AGBL4: variants seen among roughly 807,000 people sequenced by gnomAD.
AGBL4 encodes the protein cytosolic carboxypeptidase 6.
AGBL4 carries 58 observed loss-of-function variants against 66.4 expected under a neutral mutation model. That is an observed-to-expected ratio of 0.87 (90% CI 0.71 to 1.09). AGBL4 has a LOEUF of 1.09. AGBL4 is among the 50% of genes least tolerant of loss of function. The pLI, the probability that AGBL4 is intolerant of heterozygous loss-of-function variation, is 0.00. For synonymous variants in AGBL4, 234 were observed against 222.9 expected, an observed-to-expected ratio of 1.05 and a Z score of -0.44; for missense variants, 579 against 631.0, an observed-to-expected ratio of 0.92 and a Z score of 0.88.
At chr1:49,930,350 C>A (rs1314265311) in intron 1 of AGBL4, among the ~76,000 whole-genome samples, 1 of 151,960 alleles carries the variant, frequency 6.6e-6, no homozygotes, top group Non-Finnish European at 1.5e-5. Context: ...AAATTCCATT[C>A]CCTTTTAGTT....
intron 1 of AGBL4, among the ~76,000 whole-genome samples, chr1:49,901,595 G>A (rs1486431792): frequency 2.0e-5 from 3 of 152,150 alleles, no homozygotes; most frequent in Admixed American, 1.3e-4. Flanking sequence ...AATCAATATG[G>A]TTAAAATGAC....
intron 5 of AGBL4, among the ~76,000 whole-genome samples, chr1:49,028,800 C>G (rs1663948983): frequency 6.6e-6 from 1 of 152,036 alleles, no homozygotes; most frequent in African/African-American, 2.4e-5. Context: ...AATATAAACA[C>G]AAAAATCCTC....
intron 6 of AGBL4, among the ~76,000 whole-genome samples, chr1:48,689,452 C>T (rs1646593180): frequency 1.4e-5 from 2 of 147,508 alleles, no homozygotes; most frequent in South Asian, 4.5e-4. Context: ...CTCCCTCCCT[C>T]CCTCCCTCCT....
intron 9 of AGBL4, among the ~76,000 whole-genome samples, chr1:48,612,427 G>T (rs1449476420): frequency 1.3e-5 from 2 of 152,200 alleles, no homozygotes; most frequent in Non-Finnish European, 2.9e-5. Context: ...GGCAGAGAAG[G>T]CATCCTGAAG....
chr1:49,610,833 T>A (rs1645141772), intron 3 of AGBL4, among the ~76,000 whole-genome samples: 1 of 152,158 alleles, frequency 6.6e-6, no homozygotes, highest in Non-Finnish European at 1.5e-5. Context: ...TTGACTAAGA[T>A]ACAAACCAAA....
intron 1 of AGBL4, among the ~76,000 whole-genome samples, chr1:49,993,967 T>A (rs938349265): frequency 6.6e-6 from 1 of 152,234 alleles, no homozygotes; most frequent in African/African-American, 2.4e-5. Flanking sequence ...AGCTCCACTA[T>A]CACCATAAAA....
chr1:49,978,087 T>C (rs1658727537), intron 1 of AGBL4, among the ~76,000 whole-genome samples: 1 of 152,220 alleles, frequency 6.6e-6, no homozygotes, highest in Non-Finnish European at 1.5e-5. Context: ...CATAGAATTT[T>C]AGGTTGAAAA....
chr1:49,992,156 G>A (rs1659998637), intron 1 of AGBL4, among the ~76,000 whole-genome samples: 1 of 152,092 alleles, frequency 6.6e-6, no homozygotes, highest in Non-Finnish European at 1.5e-5. Context: ...CAGATCACGA[G>A]GTCAGGAGAT....
At chr1:49,494,280 T>C (rs1214621211) in intron 3 of AGBL4, among the ~76,000 whole-genome samples, 3 of 152,008 alleles carry the variant, frequency 2.0e-5, no homozygotes, top group Middle Eastern at 3.2e-3. Flanking sequence ...CCTTGAGTTT[T>C]TTTTTTTATT....
intron 5 of AGBL4, among the ~76,000 whole-genome samples, chr1:48,960,641 A>G (rs1029152643): frequency 2.0e-5 from 3 of 152,232 alleles, no homozygotes; most frequent in African/African-American, 7.2e-5. Context: ...AAGCCAAAAA[A>G]GAGTGCAATT....
chr1:49,266,113 G>A (rs1416032039), intron 3 of AGBL4: 2 of 152,058 alleles, frequency 1.3e-5, no homozygotes, highest in Admixed American at 1.3e-4. Context: ...CCTGTGTCTT[G>A]TTAACTGGAA....
intron 4 of AGBL4, among the ~76,000 whole-genome samples, chr1:49,046,387 A>T (rs1644081560): frequency 6.6e-6 from 1 of 152,204 alleles, no homozygotes; most frequent in African/African-American, 2.4e-5. Flanking sequence ...GAAATATTCA[A>T]CATTTCTCTA....
rs563527380 is a variant in AGBL4 at position 49,003,998 on chromosome 1, C to T, written c.594+41586G>A. 4.6e-5 allele frequency among the ~76,000 whole-genome samples: 7 copies of T among 152,268 alleles called. No individual in the cohort carries two copies. In the South Asian group the frequency reaches 6.2e-4, roughly 14 times the overall value. On this transcript the variant is annotated intron_variant, in intron 5 of 13. Coordinates refer to ENST00000371839, the MANE Select transcript of AGBL4 (RefSeq NM_032785.4). Reference sequence around the variant, plus strand: ...AAATTTGATCAAATTCCAGACTCTCCGAATAGTCTAATGAGTCCCTTTTGC... The same window carrying T: ...AAATTTGATCAAATTCCAGACTCTCTGAATAGTCTAATGAGTCCCTTTTGC...
chr1:49,591,470 A>C (rs981432599), intron 3 of AGBL4, among the ~76,000 whole-genome samples: 9 of 152,198 alleles, frequency 5.9e-5, no homozygotes, highest in Admixed American at 5.2e-4. Context: ...GTATTAAGTA[A>C]AGGAATTGAA....
At chr1:49,439,644 T>C (rs965559430) in intron 3 of AGBL4, among the ~76,000 whole-genome samples, 1 of 152,134 alleles carries the variant, frequency 6.6e-6, no homozygotes, top group Non-Finnish European at 1.5e-5. Flanking sequence ...ACCCTTAATC[T>C]GGGTGGGCAG....
chr1:48,539,926 TATAGA>T (rs1644037577), intron 11 of AGBL4, among the ~76,000 whole-genome samples, 188 bp from the exon 12 acceptor site: 1 of 152,208 alleles, frequency 6.6e-6, no homozygotes, highest in East Asian at 1.9e-4. Flanking sequence ...ATCCTAATTT[TATAGA>T]TAAGAAAACT....
intron 1 of AGBL4, among the ~76,000 whole-genome samples, chr1:49,998,408 G>A (rs1391630008): frequency 6.6e-6 from 1 of 152,026 alleles, no homozygotes; most frequent in Non-Finnish European, 1.5e-5. Flanking sequence ...ACTCTGAACA[G>A]ACAAGTAACA....
intron 1 of AGBL4, among the ~76,000 whole-genome samples, chr1:50,006,135 C>G (rs985346178): frequency 6.6e-6 from 1 of 152,022 alleles, no homozygotes; most frequent in Non-Finnish European, 1.5e-5. Context: ...GTCAGGAGAT[C>G]GAGACCATCC....
intron 3 of AGBL4, among the ~76,000 whole-genome samples, chr1:49,271,659 CTGTT>C (rs1050572179): frequency 3.3e-5 from 5 of 152,040 alleles, no homozygotes; most frequent in African/African-American, 1.2e-4. Context: ...TTTGGTCTGT[CTGTT>C]CACTTTCTTT....
Sources: allele counts gnomAD v4.1 joint callset (sites outside exome capture counted in the v4.1 genomes callset), GRCh38; gene constraint gnomAD v4.1.1; transcripts MANE v1.5; gene names NCBI Gene and HGNC (gene_info 2026-07-23, HGNC 2026-07-21).